The following ZFR variants were observed in gnomAD, a reference collection of about 807,000 sequenced individuals.
The protein encoded by ZFR is zinc finger RNA binding protein.
Under a neutral mutation model 130.7 loss-of-function variants are expected in ZFR, and 19 were observed. The observed-to-expected ratio is 0.15, with a 90% CI of 0.10 to 0.21. The LOEUF (loss-of-function observed/expected upper bound fraction) is 0.21, where lower values mean the gene tolerates loss of function less well. Ranked by LOEUF, ZFR falls within the 10% of genes least tolerant of loss-of-function variation. The pLI, the probability that ZFR is intolerant of heterozygous loss-of-function variation, is 1.00. For synonymous variants in ZFR, 466 were observed against 456.9 expected (o/e 1.02, Z -0.25); for missense variants, 872 against 1,321.5 (o/e 0.66, Z 5.27).
chr5:32,408,795 G>C (rs1753636406), intron 5 of ZFR, among the ~76,000 whole-genome samples: 1 of 152,096 alleles, frequency 6.6e-6, no homozygotes, highest in Non-Finnish European at 1.5e-5. Flanking sequence ...CTGATATACA[G>C]CTACCTGTTT....
chr5:32,430,159 GA>G (rs1409076591), intron 2 of ZFR, among the ~76,000 whole-genome samples: 1 of 139,990 alleles, frequency 7.1e-6, no homozygotes. Context: ...AGAATTAAAA[GA>G]AAAAAATTTT....
intron 2 of ZFR, among the ~76,000 whole-genome samples, chr5:32,431,479 G>GA (rs1754213829): frequency 6.6e-6 from 1 of 152,128 alleles, no homozygotes; most frequent in Non-Finnish European, 1.5e-5. Context: ...AATGAAGTGG[G>GA]AAAAATCTAA....
intron 3 of ZFR, among the ~76,000 whole-genome samples, chr5:32,418,425 C>T (rs759446257): frequency 6.6e-6 from 1 of 152,038 alleles, no homozygotes; most frequent in East Asian, 1.9e-4. Context: ...TACAATATTA[C>T]AAAAGAACAC....
chr5:32,366,526 T>TA (rs1275430384), intron 17 of ZFR, among the ~76,000 whole-genome samples: 1 of 152,156 alleles, frequency 6.6e-6, no homozygotes, highest in Non-Finnish European at 1.5e-5. Flanking sequence ...TCAATACACT[T>TA]AAACACACAC....
intron 6 of ZFR, among the ~76,000 whole-genome samples, chr5:32,405,092 T>G (rs1449959793): frequency 6.6e-6 from 1 of 152,218 alleles, no homozygotes; most frequent in Non-Finnish European, 1.5e-5. Flanking sequence ...TGACAAATAA[T>G]TAGCATACAA....
At chr5:32,410,112 C>CTAGG (rs1385747216) in intron 5 of ZFR, among the ~76,000 whole-genome samples, 19 of 152,184 alleles carry the variant, frequency 1.2e-4, no homozygotes, top group African/African-American at 4.1e-4. Context: ...CAAGACCAGC[C>CTAGG]TAGGCAGTGT....
chr5:32,438,021 GATA>G (rs987603025), intron 2 of ZFR, among the ~76,000 whole-genome samples: 4 of 152,030 alleles, frequency 2.6e-5, no homozygotes, highest in Non-Finnish European at 5.9e-5. Flanking sequence ...ATATATAGGA[GATA>G]ATAATTTGAT....
chr5:32,424,409 T>C (rs1395036053), intron 2 of ZFR, among the ~76,000 whole-genome samples: 1 of 151,902 alleles, frequency 6.6e-6, no homozygotes, highest in Non-Finnish European at 1.5e-5. Flanking sequence ...CGGGCACCTG[T>C]AGTCCCGGCT....
At chr5:32,379,847 A>C in intron 16 of ZFR, 2 of 385,988 alleles carry the variant, frequency 5.2e-6, no homozygotes, top group Non-Finnish European at 9.3e-6. Flanking sequence ...AAATAAAAAA[A>C]CCCCAACTAC....
At position 32,399,886 on chromosome 5, in the gene ZFR, CT is replaced by C. The variant is rs1326768360; in HGVS notation, c.1713+120del. On this transcript the variant is annotated intron_variant, in intron 9 of 19. Transcript: ENST00000265069. The stretch of plus-strand genomic sequence containing the variant: ...TTATAACAAAGATTCCTTTAATATT[CT>C]TTAAGTAAGCTAAATCTAAAATACA... 3 of 919,772 alleles carry C rather than the reference CT, an allele frequency of 3.3e-6. No homozygotes were observed. The African/African-American group carries it at 5.1e-5, about 16-fold the overall frequency. The allele number at this position is 919,772 out of a possible 1,614,324, so 57.0% of individuals were successfully genotyped here.
chr5:32,366,868 A>T (rs961549679), intron 17 of ZFR, among the ~76,000 whole-genome samples: 2 of 149,190 alleles, frequency 1.3e-5, no homozygotes, highest in Non-Finnish European at 3.0e-5. Context: ...TATTTGCTTT[A>T]AAAGATTTTT....
chr5:32,374,443 C>A (rs549585812), intron 17 of ZFR, among the ~76,000 whole-genome samples: 9 of 151,942 alleles, frequency 5.9e-5, no homozygotes, highest in Admixed American at 1.3e-4. Context: ...ATGGAGGTTG[C>A]AGTGAGCCAA....
intron 15 of ZFR, among the ~76,000 whole-genome samples, chr5:32,382,235 TG>T (rs934916731): frequency 6.6e-6 from 1 of 152,046 alleles, no homozygotes; most frequent in Non-Finnish European, 1.5e-5. Context: ...TGCTTGAACC[TG>T]GGAGGTGGAG....
chr5:32,420,800 A>T (rs189933646), intron 2 of ZFR, among the ~76,000 whole-genome samples: 3 of 152,342 alleles, frequency 2.0e-5, no homozygotes, highest in African/African-American at 4.8e-5. Context: ...AGAATTATTT[A>T]AAGTATGTCA....
chr5:32,395,992 A>C (rs1202869566), intron 10 of ZFR, among the ~76,000 whole-genome samples: 1 of 152,096 alleles, frequency 6.6e-6, no homozygotes, highest in Non-Finnish European at 1.5e-5. Context: ...GAGGCCAAGG[A>C]AGGCAGATCA....
chr5:32,397,370 A>G (rs755336790), intron 9 of ZFR, 32 bp from the exon 10 acceptor site: 1 of 1,604,674 alleles, frequency 6.2e-7, no homozygotes, highest in Non-Finnish European at 8.5e-7. Context: ...AAGAATCATC[A>G]TAGTTGAAGA....
intron 2 of ZFR, among the ~76,000 whole-genome samples, chr5:32,420,913 T>A (rs928591936): frequency 6.6e-6 from 1 of 152,232 alleles, no homozygotes; most frequent in Admixed American, 6.5e-5. Flanking sequence ...CATTTCATTA[T>A]ACAAAGTTAC....
chr5:32,354,350 T>C lies in ZFR; in HGVS notation c.*1410A>G, dbSNP rs370980500. On this transcript the variant is annotated 3_prime_UTR_variant, in exon 20 of 20. Coordinates refer to ENST00000265069, the MANE Select transcript of ZFR (RefSeq NM_016107.5). ...AGGAATAACAAGATGCAGTACTCAA[T>C]AAATTTGAATATGATTTTACTGAAG... 7.9e-5 allele frequency: 12 copies of C among 152,668 alleles called. No homozygotes were observed. The highest frequency in any genetic ancestry group is 5.9e-4 in the Admixed American group (9 of 15,298). 9.5% of individuals were successfully genotyped at this position (152,668 alleles called of 1,614,324 possible).
At chr5:32,400,719 T>C (rs1397685105) in intron 8 of ZFR, among the ~76,000 whole-genome samples, 2 of 152,092 alleles carry the variant, frequency 1.3e-5, no homozygotes, top group Non-Finnish European at 2.9e-5. Context: ...CTGGATGTGA[T>C]GGTGCATGCC....
Sources: allele counts gnomAD v4.1 joint callset (sites outside exome capture counted in the v4.1 genomes callset), GRCh38; gene constraint gnomAD v4.1.1; transcripts MANE v1.5; gene names NCBI Gene and HGNC (gene_info 2026-07-23, HGNC 2026-07-21).